Variants in CACNA2D1 observed in about 807,000 individuals in gnomAD.
CACNA2D1 encodes calcium voltage-gated channel auxiliary subunit alpha2delta 1, also known as voltage-dependent calcium channel subunit alpha-2/delta-1.
CACNA2D1 carries 53 observed loss-of-function variants against 171.5 expected under a neutral mutation model. That is an observed-to-expected ratio of 0.31 (90% CI 0.25 to 0.39). The LOEUF is 0.39. CACNA2D1 is among the 10% of genes least tolerant of loss of function. The pLI is 1.00. For missense variants in CACNA2D1, 903 were observed against 1,299.8 expected (o/e 0.69, Z 4.69); for synonymous variants, 442 against 443.1 (o/e 1.00, Z 0.03).
chr7:82,406,087 T>C (rs1585845789), intron 1 of CACNA2D1, among the ~76,000 whole-genome samples: 1 of 152,044 alleles, frequency 6.6e-6, no homozygotes, highest in African/African-American at 2.4e-5. Context: ...CCCCACCCTG[T>C]GTCCAAGTGT....
chr7:82,360,902 A>C (rs1415840051), intron 1 of CACNA2D1, among the ~76,000 whole-genome samples: 3 of 152,220 alleles, frequency 2.0e-5, no homozygotes, highest in Non-Finnish European at 4.4e-5. Context: ...CAAATTAGAA[A>C]GACAATAACT....
At chr7:82,180,227 T>G (rs1796978249) in intron 3 of CACNA2D1, among the ~76,000 whole-genome samples, 1 of 152,104 alleles carries the variant, frequency 6.6e-6, no homozygotes, top group Admixed American at 6.6e-5. Context: ...ATAAAAGTGA[T>G]CCTCTGAGGC....
chr7:82,292,907 T>C (rs1047214571), intron 3 of CACNA2D1, among the ~76,000 whole-genome samples: 2 of 152,116 alleles, frequency 1.3e-5, no homozygotes, highest in African/African-American at 4.8e-5. Flanking sequence ...TGTATGCATA[T>C]ATGTATATGT....
At chr7:82,287,460 C>G (rs1401144761) in intron 3 of CACNA2D1, among the ~76,000 whole-genome samples, 2 of 152,114 alleles carry the variant, frequency 1.3e-5, no homozygotes, top group Non-Finnish European at 2.9e-5. Flanking sequence ...CCCCAATGCA[C>G]AGTTGTGTTT....
chr7:82,396,304 C>T (rs868704623), intron 1 of CACNA2D1, among the ~76,000 whole-genome samples: 4 of 151,892 alleles, frequency 2.6e-5, no homozygotes, highest in Admixed American at 1.3e-4. Flanking sequence ...GGCAACACAG[C>T]GAGACCCCAT....
chr7:82,135,924 G>T (rs1230287357), intron 5 of CACNA2D1, among the ~76,000 whole-genome samples: 1 of 152,012 alleles, frequency 6.6e-6, no homozygotes, highest in Non-Finnish European at 1.5e-5. Flanking sequence ...GTATACATAG[G>T]CATTTTTTTG....
chr7:82,420,830 GAAA>G (rs56858207), intron 1 of CACNA2D1, among the ~76,000 whole-genome samples: 1 of 138,804 alleles, frequency 7.2e-6, no homozygotes, highest in African/African-American at 2.6e-5. Flanking sequence ...TAGCGAGCAG[GAAA>G]AAAAAAAAAA....
At chr7:82,340,955 A>C (rs1818556025) in intron 2 of CACNA2D1, among the ~76,000 whole-genome samples, 1 of 152,198 alleles carries the variant, frequency 6.6e-6, no homozygotes, top group Non-Finnish European at 1.5e-5. Flanking sequence ...CTTCAATACT[A>C]ATGAAGGCAA....
At chr7:82,297,630 G>A (rs1363942895) in intron 3 of CACNA2D1, among the ~76,000 whole-genome samples, 2 of 152,220 alleles carry the variant, frequency 1.3e-5, no homozygotes, top group East Asian at 1.9e-4. Context: ...AGGATACAAT[G>A]GCTACGTTTT....
At chr7:82,000,169 G>C (rs550741319) in intron 18 of CACNA2D1, among the ~76,000 whole-genome samples, 1 of 152,226 alleles carries the variant, frequency 6.6e-6, no homozygotes, top group Admixed American at 6.5e-5. Context: ...TGAGGCAGGA[G>C]AATCATATGA....
intron 38 of CACNA2D1, among the ~76,000 whole-genome samples, chr7:81,952,055 G>T (rs1020534493): frequency 7.0e-6 from 1 of 141,964 alleles, no homozygotes; most frequent in South Asian, 2.2e-4. Context: ...TCACATTGTG[G>T]TTTTAACATG....
intron 38 of CACNA2D1, among the ~76,000 whole-genome samples, chr7:81,955,830 A>G (rs1161056900): frequency 1.4e-5 from 2 of 143,934 alleles, no homozygotes; most frequent in Non-Finnish European, 3.0e-5. Context: ...GTCCATGGTG[A>G]TATATAATTA....
At chr7:82,421,767 C>A (rs2129457326) in intron 1 of CACNA2D1, among the ~76,000 whole-genome samples, 1 of 152,260 alleles carries the variant, frequency 6.6e-6, no homozygotes, top group South Asian at 2.1e-4. Flanking sequence ...CCTTAATTCA[C>A]CATCTCATTG....
chr7:82,443,117 C>A (rs1340280427), intron 1 of CACNA2D1, among the ~76,000 whole-genome samples: 1 of 152,138 alleles, frequency 6.6e-6, no homozygotes. Context: ...CGTCGGCGGG[C>A]GCTTCCCGGG....
At position 82,014,947 on chromosome 7, in the gene CACNA2D1, C is replaced by T. The variant is rs1455685277; in HGVS notation, c.1144-468G>A. Among the ~76,000 whole-genome samples, 9 of 151,902 alleles carry T rather than the reference C, an allele frequency of 5.9e-5. No homozygotes were observed. In the South Asian group the frequency reaches 6.2e-4, roughly 11 times the overall value. ...GTGGGTGCCTGTAATCCCAGCTACT[C>T]GGGAAGCTGAGGCAGAATTGCTTGA... On this transcript the variant is annotated intron_variant, in intron 12 of 38. Transcript: ENST00000356860.
chr7:82,002,512 C>A (rs1273254886), intron 18 of CACNA2D1, among the ~76,000 whole-genome samples: 1 of 152,104 alleles, frequency 6.6e-6, no homozygotes, highest in Non-Finnish European at 1.5e-5. Flanking sequence ...TGAAGTGATA[C>A]CAAATGTTAT....
At chr7:82,042,411 G>A (rs544953232) in intron 10 of CACNA2D1, among the ~76,000 whole-genome samples, 3 of 152,240 alleles carry the variant, frequency 2.0e-5, no homozygotes, top group East Asian at 3.9e-4. Flanking sequence ...GGTATATGGC[G>A]AGTGAAAAGA....
At chr7:82,427,526 C>T (rs1450528740) in intron 1 of CACNA2D1, among the ~76,000 whole-genome samples, 1 of 152,188 alleles carries the variant, frequency 6.6e-6, no homozygotes, top group Non-Finnish European at 1.5e-5. Flanking sequence ...GAACCCATGT[C>T]ACCTGATTAG....
At chr7:82,260,465 C>A (rs530230514) in intron 3 of CACNA2D1, among the ~76,000 whole-genome samples, 1 of 152,226 alleles carries the variant, frequency 6.6e-6, no homozygotes, top group East Asian at 1.9e-4. Context: ...ATAACCAGGT[C>A]ATAATGAGCA....
Sources: gnomAD v4.1 joint callset for allele counts (sites outside exome capture counted in the v4.1 genomes callset) on GRCh38, gnomAD v4.1.1 for gene constraint, MANE v1.5 for transcripts, NCBI Gene and HGNC (gene_info 2026-07-23, HGNC 2026-07-21) for gene names.